The following EPB41L4A variants were observed in gnomAD, a reference collection of about 807,000 sequenced individuals.
EPB41L4A encodes the protein erythrocyte membrane protein band 4.1 like 4A.
A neutral mutation model predicts 108.6 loss-of-function variants in EPB41L4A; 100 were observed. That is an observed-to-expected ratio of 0.92 (90% CI 0.78 to 1.09). The LOEUF (loss-of-function observed/expected upper bound fraction) is 1.09. Ranked by LOEUF, EPB41L4A falls within the 50% of genes least tolerant of loss-of-function variation. The pLI is 0.00. For missense variants in EPB41L4A, 1,030 were observed against 842.7 expected (o/e 1.22, Z -2.75); for synonymous variants, 319 against 289.0 (o/e 1.10, Z -1.05).
chr5:112,228,772 C>T, intron 12 of EPB41L4A: 1 of 985,080 alleles, frequency 1.0e-6, no homozygotes, highest in Non-Finnish European at 1.2e-6. Flanking sequence ...CTCCTGCCGT[C>T]CCTTTTCTGG....
At chr5:112,216,011 T>C (rs1197394813) in intron 12 of EPB41L4A, among the ~76,000 whole-genome samples, 1 of 152,176 alleles carries the variant, frequency 6.6e-6, no homozygotes, top group East Asian at 1.9e-4. Flanking sequence ...TTTCATTTGT[T>C]CGTTTTTAAT....
At position 112,273,161 on chromosome 5, in the gene EPB41L4A, A is replaced by G. The variant is rs114709530; in HGVS notation, c.335+2165T>C. On this transcript the variant is annotated intron_variant, in intron 4 of 22. Coordinates refer to ENST00000261486, the MANE Select transcript of EPB41L4A (RefSeq NM_022140.5). Reference sequence around the variant, plus strand: ...ATGCAAATCAATAATAAAATGAATAATGTGCATATATCAATGTATTAAACG... The same window carrying G: ...ATGCAAATCAATAATAAAATGAATAGTGTGCATATATCAATGTATTAAACG... 3.4e-3 allele frequency among the ~76,000 whole-genome samples: 525 copies of G among 152,342 alleles called. 3 individuals carry two copies. Among genetic ancestry groups the G allele is most frequent in the African/African-American group, 0.012 (508 of 41,578 alleles).
At position 112,419,121 on chromosome 5, in the gene EPB41L4A, T is replaced by A; in HGVS notation, c.-82A>T. 1.9e-6 allele frequency: 2 copies of A among 1,026,846 alleles called. No individual in the cohort carries two copies. Among genetic ancestry groups the A allele is most frequent in the Non-Finnish European group, 3.0e-6 (2 of 662,506 alleles). The allele number at this position is 1,026,846 out of a possible 1,614,324, so 63.6% of individuals were successfully genotyped here. ...CCCCCTCCACTCAAGCGCGATGCAT[T>A]AATTTATTGTCCGCGCCGTGGCGAG... On this transcript the variant is annotated 5_prime_UTR_variant, in exon 1 of 23. Transcript: ENST00000261486.
In EPB41L4A at chr5:112,167,362, T is replaced by A. The variant is rs537704316; in HGVS notation, c.1932+1377A>T. Reference sequence around the variant, plus strand: ...TGTCAACTTTAAACCAATCGTCTATTTGGACAACCTATTAGCTCTCCCAGG... The same window carrying A: ...TGTCAACTTTAAACCAATCGTCTATATGGACAACCTATTAGCTCTCCCAGG... On this transcript the variant is annotated intron_variant, in intron 22 of 22. Coordinates refer to ENST00000261486, the MANE Select transcript of EPB41L4A (RefSeq NM_022140.5). Among the ~76,000 whole-genome samples the A allele has an allele frequency of 2.6e-5, 4 of 152,306 alleles. No homozygotes were observed. In the South Asian group the frequency reaches 8.3e-4, roughly 32 times the overall value.
At position 112,169,605 on chromosome 5, in the gene EPB41L4A, A is replaced by G. The variant is rs572017412; in HGVS notation, c.1740-500T>C. Among the ~76,000 whole-genome samples, 18 of 152,350 alleles carry G rather than the reference A, an allele frequency of 1.2e-4. No homozygotes were observed. In the South Asian group the frequency reaches 2.5e-3, roughly 21 times the overall value. On this transcript the variant is annotated intron_variant, in intron 20 of 22. Transcript: ENST00000261486. ...ATTAGCTTGACTTCAGCATTTCACAATGTATACATATATCAAAACATCAGA... is the reference window on the plus strand; with the variant it reads ...ATTAGCTTGACTTCAGCATTTCACAGTGTATACATATATCAAAACATCAGA...
chr5:112,278,540 C>T (rs756219056), intron 3 of EPB41L4A, among the ~76,000 whole-genome samples: 1 of 151,922 alleles, frequency 6.6e-6, no homozygotes, highest in Non-Finnish European at 1.5e-5. Flanking sequence ...GCATAAGACA[C>T]CACGAGTCTT....
At chr5:112,305,051 C>T (rs542677175) in intron 2 of EPB41L4A, among the ~76,000 whole-genome samples, 13 of 152,228 alleles carry the variant, frequency 8.5e-5, no homozygotes, top group South Asian at 2.1e-4. Context: ...GGGAAGACTG[C>T]GCTGCTGCAA....
At chr5:112,269,859 C>A (rs78512774) in intron 4 of EPB41L4A, among the ~76,000 whole-genome samples, 1,725 of 152,170 alleles carry the variant, frequency 0.011, 39 homozygotes, top group African/African-American at 0.04. Flanking sequence ...ACTAACAAAC[C>A]GATGTATATG....
At chr5:112,219,409 C>T (rs1386924864) in intron 12 of EPB41L4A, among the ~76,000 whole-genome samples, 1 of 152,148 alleles carries the variant, frequency 6.6e-6, no homozygotes, top group African/African-American at 2.4e-5. Context: ...GAGGCCTCCC[C>T]AGCCAAGTGG....
At chr5:112,275,243 T>C (rs933748230) in intron 4 of EPB41L4A, 83 bp downstream of exon 4, 3 of 1,445,226 alleles carry the variant, frequency 2.1e-6, no homozygotes, top group Admixed American at 2.7e-5. Context: ...TCCAAACGTT[T>C]AGCCCAATTT....
intron 2 of EPB41L4A, among the ~76,000 whole-genome samples, chr5:112,293,498 T>C (rs1380385314): frequency 2.0e-5 from 3 of 152,200 alleles, no homozygotes; most frequent in Admixed American, 6.5e-5. Context: ...ATATTATACA[T>C]GACCCATGGA....
chr5:112,308,537 G>C (rs535861134), intron 1 of EPB41L4A, among the ~76,000 whole-genome samples: 17 of 152,232 alleles, frequency 1.1e-4, no homozygotes, highest in African/African-American at 3.8e-4. Flanking sequence ...AATTCCATAG[G>C]TATTTTGTTT....
chr5:112,288,407 T>G (rs1753422060), intron 2 of EPB41L4A, among the ~76,000 whole-genome samples: 1 of 152,180 alleles, frequency 6.6e-6, no homozygotes, highest in Non-Finnish European at 1.5e-5. Flanking sequence ...CAATCTTCCT[T>G]AGGCAAAATC....
In EPB41L4A at chr5:112,393,042, T is replaced by C. The variant is rs190723008; in HGVS notation, c.99+25899A>G. On this transcript the variant is annotated intron_variant, in intron 1 of 22. Transcript: ENST00000261486. ...AAATAAAGATGTTCCTTGAAACCAATGAGAACAAAGACACAACGTACCACA... is the reference window on the plus strand; with the variant it reads ...AAATAAAGATGTTCCTTGAAACCAACGAGAACAAAGACACAACGTACCACA... Among the ~76,000 whole-genome samples the C allele has an allele frequency of 4.5e-3, 690 of 152,190 alleles. 14 individuals are homozygous for C. Among genetic ancestry groups the C allele is most frequent in the African/African-American group, 0.016 (659 of 41,504 alleles).
At chr5:112,227,386 AG>A (rs1477497100) in intron 12 of EPB41L4A, among the ~76,000 whole-genome samples, 1 of 152,226 alleles carries the variant, frequency 6.6e-6, no homozygotes, top group African/African-American at 2.4e-5. Context: ...CACTGTGAAT[AG>A]AAAGACATCC....
At chr5:112,143,918 TGCCAAAGACAATACTACCAGAA>T in intron 13 of EPB41L4A, 1 of 452,464 alleles carries the variant, frequency 2.2e-6, no homozygotes, top group Non-Finnish European at 4.4e-6. Flanking sequence ...TGTGCTCAGT[TGCCAAAGACAATACTACCAGAA>T]GCCTGGAATA....
intron 12 of EPB41L4A, among the ~76,000 whole-genome samples, chr5:112,148,500 A>T (rs571365095): frequency 6.6e-6 from 1 of 152,036 alleles, no homozygotes; most frequent in African/African-American, 2.4e-5. Flanking sequence ...TTATTTTCTT[A>T]TTCCATTTTT....
chr5:112,153,943 A>T (rs1343504689), intron 12 of EPB41L4A, among the ~76,000 whole-genome samples: 1 of 152,162 alleles, frequency 6.6e-6, no homozygotes, highest in East Asian at 1.9e-4. Flanking sequence ...TTAAAAATGT[A>T]TCTCTAAATA....
chr5:112,154,332 T>C (rs1358300656), intron 12 of EPB41L4A, among the ~76,000 whole-genome samples: 2 of 152,204 alleles, frequency 1.3e-5, no homozygotes, highest in African/African-American at 4.8e-5. Flanking sequence ...TTTGCTAAAA[T>C]TATATAGTTC....
Sources: allele counts gnomAD v4.1 joint callset (sites outside exome capture counted in the v4.1 genomes callset), GRCh38; gene constraint gnomAD v4.1.1; transcripts MANE v1.5; gene names NCBI Gene and HGNC (gene_info 2026-07-23, HGNC 2026-07-21).